Variants in PRSS23 observed in about 807,000 individuals in gnomAD.
The protein encoded by PRSS23 is protease, serine 23.
In PRSS23, 25 loss-of-function variants were observed where a neutral mutation model predicts 34.7. That is an observed-to-expected ratio of 0.72 (90% CI 0.53 to 1.01). PRSS23 has a LOEUF of 1.01. Among genes scored for constraint, PRSS23 ranks in the 50% least tolerant of loss-of-function variants. PRSS23 has a pLI of 0.00. For missense variants in PRSS23, 445 were observed against 475.6 expected (o/e 0.94, Z 0.60); for synonymous variants, 176 against 186.6 (o/e 0.94, Z 0.46).
chr11:86,899,168 C>G (rs1358710613), intron 2 of PRSS23, among the ~76,000 whole-genome samples: 2 of 152,126 alleles, frequency 1.3e-5, no homozygotes, highest in Non-Finnish European at 2.9e-5. Context: ...ACCCCACACC[C>G]CACTCATGGT....
At chr11:86,806,028 C>A (rs543354548) in intron 1 of PRSS23, among the ~76,000 whole-genome samples, 17 of 152,356 alleles carry the variant, frequency 1.1e-4, no homozygotes, top group Admixed American at 1.1e-3. Flanking sequence ...TGAGAGCCAA[C>A]TGATGCTTAA....
At chr11:86,833,337 C>CTCCAGCACCA in intron 2 of PRSS23, 1 of 1,027,554 alleles carries the variant, frequency 9.7e-7, no homozygotes, top group Non-Finnish European at 1.5e-6. Context: ...TGAGCAGATT[C>CTCCAGCACCA]TCCAGCACCA....
chr11:86,902,716 T>C (rs78334400), intron 2 of PRSS23, among the ~76,000 whole-genome samples: 1 of 152,328 alleles, frequency 6.6e-6, no homozygotes, highest in Non-Finnish European at 1.5e-5. Context: ...AACAACATGA[T>C]ATCAAGACAC....
At chr11:86,856,324 T>TAAAA (rs56199835) in intron 2 of PRSS23, among the ~76,000 whole-genome samples, 1 of 145,858 alleles carries the variant, frequency 6.9e-6, no homozygotes, top group African/African-American at 2.5e-5. Flanking sequence ...TCTGGTGCTT[T>TAAAA]AAAAAAAAAA....
chr11:86,853,760 G>T (rs186164882), intron 2 of PRSS23, among the ~76,000 whole-genome samples: 140 of 152,194 alleles, frequency 9.2e-4, no homozygotes, highest in African/African-American at 3.3e-3. Context: ...ATGTAACTGT[G>T]GGATCATCTG....
chr11:86,822,620 T>TA (rs113888066), intron 1 of PRSS23, among the ~76,000 whole-genome samples: 13,623 of 101,916 alleles, frequency 0.13, 1,022 homozygotes, highest in African/African-American at 0.23. Flanking sequence ...TGAACCTGAC[T>TA]AAAAAAAAAA....
chr11:86,949,286 C>G (rs1397127692), intron 2 of PRSS23: 1 of 151,662 alleles, frequency 6.6e-6, no homozygotes, highest in African/African-American at 2.4e-5. Flanking sequence ...AGGGAAATGT[C>G]AAACTATGGG....
intron 2 of PRSS23, among the ~76,000 whole-genome samples, chr11:86,824,439 A>G (rs1446729203): frequency 1.3e-5 from 2 of 150,952 alleles, no homozygotes; most frequent in East Asian, 1.9e-4. Flanking sequence ...CTCTGAAATT[A>G]TGATGGAACC....
intron 2 of PRSS23, among the ~76,000 whole-genome samples, chr11:86,905,140 T>A (rs997850594): frequency 2.0e-5 from 3 of 152,200 alleles, no homozygotes; most frequent in Non-Finnish European, 4.4e-5. Context: ...AGGTAACATG[T>A]CATACCGAAA....
chr11:86,925,468 T>G (rs1949075195), intron 2 of PRSS23, among the ~76,000 whole-genome samples: 1 of 152,318 alleles, frequency 6.6e-6, no homozygotes, highest in South Asian at 2.1e-4. Flanking sequence ...GTAGCAGGGT[T>G]GCCATGATTA....
intron 1 of PRSS23, 141 bp from the exon 2 acceptor site, chr11:86,807,490 A>G (rs1293164746): frequency 1.2e-6 from 1 of 823,428 alleles, no homozygotes; most frequent in African/African-American, 1.7e-5. Flanking sequence ...CCGTTATCTA[A>G]GGATTCCTCT....
In PRSS23 at chr11:86,906,362, C is replaced by A. The variant is rs973493933; in HGVS notation, c.207-44854C>A. On this transcript the variant is annotated intron_variant, in intron 2 of 2. Coordinates refer to the PRSS23 transcript ENST00000533902. ...AGGCCCCCACCAGCGCCACCCTCAGCTCTTCGCCCAGGATCCCCCTGAGGC... is the reference window on the plus strand; with the variant it reads ...AGGCCCCCACCAGCGCCACCCTCAGATCTTCGCCCAGGATCCCCCTGAGGC... Among the ~76,000 whole-genome samples the A allele has an allele frequency of 4.1e-4, 51 of 122,996 alleles. 4 individuals carry two copies. Among genetic ancestry groups the A allele is most frequent in the Non-Finnish European group, 7.5e-5 (4 of 53,400 alleles). The allele number at this position is 122,996 out of a possible 152,430, so 80.7% of individuals were successfully genotyped here.
chr11:86,886,219 A>G (rs552513301), intron 2 of PRSS23, among the ~76,000 whole-genome samples: 3 of 152,242 alleles, frequency 2.0e-5, no homozygotes, highest in African/African-American at 7.2e-5. Context: ...AATTTGTGCA[A>G]TGGGTGCTTT....
intron 2 of PRSS23, among the ~76,000 whole-genome samples, chr11:86,831,001 A>G (rs1425832176): frequency 6.6e-6 from 1 of 151,984 alleles, no homozygotes; most frequent in Non-Finnish European, 1.5e-5. Flanking sequence ...ACAGGCGTGT[A>G]CACCCAGTGA....
Position 86,888,636 on chromosome 11 carries a change from T to G in PRSS23, c.207-62580T>G, listed in dbSNP as rs115102587. On this transcript the variant is annotated intron_variant, in intron 2 of 2. Transcript: ENST00000533902. ...AGACTGTTGGTCATTCCTGAGAAAT[T>G]GTTGAGAGATTGCATGATCATTTCT... 5.4e-3 allele frequency among the ~76,000 whole-genome samples: 820 copies of G among 152,308 alleles called. 6 individuals carry two copies. Among genetic ancestry groups the G allele is most frequent in the African/African-American group, 0.019 (778 of 41,576 alleles).
At chr11:86,887,142 A>C (rs1005029342) in intron 2 of PRSS23, among the ~76,000 whole-genome samples, 7 of 152,336 alleles carry the variant, frequency 4.6e-5, no homozygotes, top group African/African-American at 1.7e-4. Flanking sequence ...GGTAGATATC[A>C]AATACAGATA....
chr11:86,890,180 G>A, intron 2 of PRSS23, among the ~76,000 whole-genome samples: 1 of 152,058 alleles, frequency 6.6e-6, no homozygotes, highest in Non-Finnish European at 1.5e-5. Context: ...TGAGGCATGA[G>A]AATCCTTTGA....
chr11:86,930,483 GA>G, intron 2 of PRSS23, among the ~76,000 whole-genome samples: 1 of 152,130 alleles, frequency 6.6e-6, no homozygotes, highest in Non-Finnish European at 1.5e-5. Context: ...AAGCAAAGAG[GA>G]AAGTGGATGA....
intron 2 of PRSS23, among the ~76,000 whole-genome samples, chr11:86,928,025 C>T (rs10751143): frequency 0.61 from 92,303 of 151,334 alleles, 28,907 homozygotes; most frequent in Non-Finnish European, 0.69. Context: ...AGATATTAAG[C>T]TCTTTGATCA....
Sources: gnomAD v4.1 joint callset for allele counts (sites outside exome capture counted in the v4.1 genomes callset) on GRCh38, gnomAD v4.1.1 for gene constraint, MANE v1.5 for transcripts, NCBI Gene and HGNC (gene_info 2026-07-23, HGNC 2026-07-21) for gene names.